Variants in ELL2 observed in about 807,000 individuals in gnomAD.
ELL2 encodes RNA polymerase II elongation factor ELL2.
In ELL2, 21 loss-of-function variants were observed where a neutral mutation model predicts 72.8. The ratio of observed to expected loss-of-function variants is 0.29; its 90% CI spans 0.20 to 0.42. The LOEUF is 0.42. ELL2 is among the 10% of genes least tolerant of loss of function. The pLI is 1.00. For synonymous variants in ELL2, 266 were observed against 283.2 expected, an observed-to-expected ratio of 0.94 and a Z score of 0.61; for missense variants, 568 against 772.8, an observed-to-expected ratio of 0.73 and a Z score of 3.14.
chr5:95,941,888 A>G (rs1177728867), intron 2 of ELL2, among the ~76,000 whole-genome samples: 1 of 152,234 alleles, frequency 6.6e-6, no homozygotes, highest in Non-Finnish European at 1.5e-5. Flanking sequence ...TACCTACTAA[A>G]AAGCTATACA....
chr5:95,889,357 A>G (rs1748576512), intron 10 of ELL2, among the ~76,000 whole-genome samples: 1 of 152,238 alleles, frequency 6.6e-6, no homozygotes. Flanking sequence ...CCAGTGAATG[A>G]CACATATACA....
At chr5:95,905,861 G>C (rs1443796086) in intron 5 of ELL2, among the ~76,000 whole-genome samples, 3 of 151,574 alleles carry the variant, frequency 2.0e-5, no homozygotes, top group African/African-American at 7.3e-5. Flanking sequence ...TGCTCATAAA[G>C]ATTTATGACA....
chr5:95,900,045 C>T (rs148264853), intron 7 of ELL2, among the ~76,000 whole-genome samples: 246 of 152,040 alleles, frequency 1.6e-3, no homozygotes, highest in African/African-American at 5.1e-3. Context: ...TGGGGAGGTG[C>T]GTCCCACTGT....
At chr5:95,907,296 A>ATATATTTTTTTTTTTTTTTTT in intron 4 of ELL2, among the ~76,000 whole-genome samples, 1 of 116,522 alleles carries the variant, frequency 8.6e-6, no homozygotes, top group African/African-American at 4.1e-5. Context: ...ATATATATAT[A>ATATATTTTTTTTTTTTTTTTT]TTTTTTTTTT....
chr5:95,948,493 AT>A (rs2112354499), intron 1 of ELL2, among the ~76,000 whole-genome samples: 1 of 148,010 alleles, frequency 6.8e-6, no homozygotes, highest in African/African-American at 2.5e-5. Context: ...CTTATTTTGT[AT>A]CTGATCACTC....
intron 1 of ELL2, among the ~76,000 whole-genome samples, chr5:95,961,119 C>T (rs1751829435): frequency 6.6e-6 from 1 of 152,148 alleles, no homozygotes; most frequent in African/African-American, 2.4e-5. Context: ...TGAGGATCCA[C>T]CGTGCCTATG....
intron 2 of ELL2, among the ~76,000 whole-genome samples, chr5:95,935,002 G>A (rs1335680369): frequency 6.6e-6 from 1 of 152,144 alleles, no homozygotes; most frequent in African/African-American, 2.4e-5. Context: ...GAAGTTCAAT[G>A]TCATAATAAG....
chr5:95,891,374 T>G, intron 9 of ELL2, 100 bp from the exon 10 acceptor site: 1 of 1,220,040 alleles, frequency 8.2e-7, no homozygotes, highest in Non-Finnish European at 1.1e-6. Context: ...TCCATGCATG[T>G]GTCACTAATG....
chr5:95,885,219 T>G lies in ELL2; in HGVS notation c.*3652A>C, dbSNP rs1196837060. On this transcript the variant is annotated 3_prime_UTR_variant, in exon 12 of 12. Coordinates refer to ENST00000237853, the MANE Select transcript of ELL2 (RefSeq NM_012081.6). ...TTTACCTTTGAGAGTCCTAACACGG[T>G]TTGAGTGGAACAGCTGAGAAACAGC... is the stretch of plus-strand genomic sequence containing the variant. 6.6e-6 allele frequency: 1 copy of G among 152,102 alleles called. No individual in the cohort carries two copies. The highest frequency in any genetic ancestry group is 1.5e-5 in the Non-Finnish European group (1 of 68,016). The allele number at this position is 152,102 out of a possible 1,614,324, so 9.4% of individuals were successfully genotyped here.
rs186392430 is a variant in ELL2 at position 95,940,365 on chromosome 5, T to C, written c.195+2637A>G. On this transcript the variant is annotated intron_variant, in intron 2 of 11. Coordinates refer to ENST00000237853, the MANE Select transcript of ELL2 (RefSeq NM_012081.6). ...AAGAAAACTTCAACCTAAGGGAACATGTTCAGGCACAAAAGCAAATATGCT... is the reference window on the plus strand; with the variant it reads ...AAGAAAACTTCAACCTAAGGGAACACGTTCAGGCACAAAAGCAAATATGCT... 1.3e-3 allele frequency among the ~76,000 whole-genome samples: 205 copies of C among 152,310 alleles called. 1 individual carries two copies. The highest frequency in any genetic ancestry group is 4.7e-3 in the African/African-American group (195 of 41,570).
chr5:95,913,820 TTCC>T lies in ELL2; in HGVS notation c.429_431del (p.Glu144del). On this transcript the variant is annotated inframe_deletion, in exon 4 of 12. Transcript: ENST00000237853. ...TAACTTTTGTGCTTCGGTTGCGGGA[TTCC>T]TCCTCTGCCTGGGTCATTCTTTCTC... 6.2e-7 allele frequency: 1 copy of T among 1,613,112 alleles called. No homozygotes were observed. Among genetic ancestry groups the T allele is most frequent in the Non-Finnish European group, 8.5e-7 (1 of 1,179,592 alleles).
chr5:95,913,731 C>A, intron 4 of ELL2, 40 bp downstream of exon 4: 1 of 1,524,576 alleles, frequency 6.6e-7, no homozygotes, highest in Non-Finnish European at 8.8e-7. Flanking sequence ...TTGAATTACT[C>A]CAATCAATCA....
In ELL2 at chr5:95,908,292, C is replaced by T. The variant is rs367993979; in HGVS notation, c.482-1510G>A. ...AGGTTTCACCTGAAAAGGCAGGTACCGTCCCCTTTCACAGATGAGAAAACT... is the reference window on the plus strand; with the variant it reads ...AGGTTTCACCTGAAAAGGCAGGTACTGTCCCCTTTCACAGATGAGAAAACT... On this transcript the variant is annotated intron_variant, in intron 4 of 11. Coordinates refer to ENST00000237853, the MANE Select transcript of ELL2 (RefSeq NM_012081.6). Among the ~76,000 whole-genome samples the T allele has an allele frequency of 3.3e-5, 5 of 152,236 alleles. No individual in the cohort carries two copies. In the East Asian group the frequency reaches 5.8e-4, roughly 18 times the overall value.
At chr5:95,908,323 T>G (rs1749453791) in intron 4 of ELL2, among the ~76,000 whole-genome samples, 1 of 152,210 alleles carries the variant, frequency 6.6e-6, no homozygotes, top group Admixed American at 6.5e-5. Context: ...AAACTGAGGC[T>G]TTTAATGGGA....
At chr5:95,893,896 C>T (rs1308234500) in intron 9 of ELL2, among the ~76,000 whole-genome samples, 1 of 152,048 alleles carries the variant, frequency 6.6e-6, no homozygotes, top group Non-Finnish European at 1.5e-5. Flanking sequence ...ACATGACAAA[C>T]ATACAGAAAT....
intron 2 of ELL2, among the ~76,000 whole-genome samples, chr5:95,922,746 G>GA (rs1437464797): frequency 4.9e-4 from 75 of 151,974 alleles, no homozygotes; most frequent in African/African-American, 1.7e-3. Flanking sequence ...TCTTCAGTAG[G>GA]AAAAAAGCTA....
intron 1 of ELL2, among the ~76,000 whole-genome samples, chr5:95,945,698 G>A (rs1357909419): frequency 2.0e-5 from 3 of 152,146 alleles, no homozygotes; most frequent in African/African-American, 7.2e-5. Flanking sequence ...TTGAATAGCA[G>A]TTTAGAAAAG....
intron 1 of ELL2, among the ~76,000 whole-genome samples, chr5:95,953,347 A>G (rs1384963268): frequency 6.6e-6 from 1 of 152,250 alleles, no homozygotes; most frequent in Admixed American, 6.5e-5. Context: ...TATTAAAGAA[A>G]AAACATCTTA....
In ELL2 at chr5:95,959,939, G is replaced by A. The variant is rs565837867; in HGVS notation, c.147+1636C>T. Among the ~76,000 whole-genome samples the A allele has an allele frequency of 3.3e-5, 5 of 152,252 alleles. No homozygotes were observed. In the South Asian group the frequency reaches 8.3e-4, roughly 25 times the overall value. The stretch of plus-strand genomic sequence containing the variant: ...CATGTGAGTTCATTTTCTATCCAAA[G>A]CGTGCACAACTAATGCCTTCCTCTG... On this transcript the variant is annotated intron_variant, in intron 1 of 11. Transcript: ENST00000237853.
Sources: allele counts gnomAD v4.1 joint callset (sites outside exome capture counted in the v4.1 genomes callset), GRCh38; gene constraint gnomAD v4.1.1; transcripts MANE v1.5; gene names NCBI Gene and HGNC (gene_info 2026-07-23, HGNC 2026-07-21).